IQSEC2: variants seen among roughly 807,000 people sequenced by gnomAD.
IQSEC2 encodes the protein IQ motif and SEC7 domain-containing protein 2.
In IQSEC2, 6 loss-of-function variants were observed where a neutral mutation model predicts 74.6. The observed-to-expected ratio is 0.08, with a 90% CI of 0.04 to 0.16. IQSEC2 has a LOEUF of 0.16. IQSEC2 is among the 10% of genes least tolerant of loss of function. IQSEC2 has a pLI of 1.00. For synonymous variants in IQSEC2, 494 were observed against 544.5 expected, an observed-to-expected ratio of 0.91 and a Z score of 1.29; for missense variants, 734 against 1,306.2, an observed-to-expected ratio of 0.56 and a Z score of 6.75.
downstream of IQSEC2, chrX:53,231,073 A>C (rs1348675658): frequency 1.8e-5 from 2 of 112,902 alleles, no homozygotes; most frequent in Non-Finnish European, 3.7e-5. Context: ...CCATTCATTC[A>C]TTCATTCATT....
At chrX:53,270,163 C>T (rs1420736540) in intron 2 of IQSEC2, among the ~76,000 whole-genome samples, 1 of 111,009 alleles carries the variant, frequency 9.0e-6, no homozygotes, top group East Asian at 2.8e-4. Context: ...TCACCATTGT[C>T]CTTAAGGCAC....
At chrX:53,247,944 T>C (rs1448361649) in intron 7 of IQSEC2, among the ~76,000 whole-genome samples, 170 bp downstream of exon 7, 1 of 112,572 alleles carries the variant, frequency 8.9e-6, no homozygotes, top group East Asian at 2.8e-4. Flanking sequence ...CTGAGCTAGA[T>C]ACTTTATATG....
chrX:53,234,712 TG>T lies in IQSEC2; in HGVS notation c.3973del (p.His1325MetfsTer72). 8.9e-7 allele frequency: 1 copy of T among 1,121,023 alleles called. No individual in the cohort carries two copies. Among genetic ancestry groups the T allele is most frequent in the Non-Finnish European group, 1.2e-6 (1 of 851,164 alleles). 92.4% of individuals were successfully genotyped at this position (1,121,023 alleles called of 1,213,427 possible). On this transcript the variant is annotated frameshift_variant, in exon 15 of 15. Coordinates refer to ENST00000642864, the MANE Select transcript of IQSEC2 (RefSeq NM_001111125.3). LOFTEE classifies it high-confidence loss of function. ...GTGTTGGGGCCCTGGGACTGGGCCA[TG>T]GGCGTGGAAGTGGCGATGTGGCCCC... ...PVGPHRHFHA[H>X]GPVPGPQHYT...
chrX:53,239,525 T>C (rs782111152), intron 10 of IQSEC2: 139 of 365,688 alleles, frequency 3.8e-4, no homozygotes, highest in Non-Finnish European at 1.1e-4. Flanking sequence ...ATTTACCACA[T>C]TTCCAGAAAC....
Position 53,320,740 on chromosome X carries a change from A to G in IQSEC2, c.384T>C (p.Ala128=). 2.6e-6 allele frequency: 3 copies of G among 1,167,060 alleles called. No homozygotes were observed. The highest frequency in any genetic ancestry group is 3.4e-6 in the Non-Finnish European group (3 of 872,732). Residue 128 remains alanine (A), a synonymous_variant, in exon 1 of 15, where the codon GCT becomes GCC. Transcript: ENST00000642864. Reference sequence around the variant, plus strand: ...CGTCCCGCTCCTTGTCCCGATACACAGCCTCCCGATTCTGGTAGGCGCCTT... The same window carrying G: ...CGTCCCGCTCCTTGTCCCGATACACGGCCTCCCGATTCTGGTAGGCGCCTT... ...NREGAYQNRE[A]VYRDKERDAS... is the part of the protein sequence containing the mutation.
chrX:53,251,212 A>AAAAG (rs1203282098), intron 4 of IQSEC2, 38 bp from the exon 5 acceptor site: 4 of 1,160,752 alleles, frequency 3.4e-6, no homozygotes, highest in Non-Finnish European at 4.7e-6. Context: ...AAAGGGAGAG[A>AAAAG]AAAGAAAGAA....
In IQSEC2 at chrX:53,254,618, C is replaced by T; in HGVS notation, c.1313G>A (p.Gly438Glu). 8.3e-7 allele frequency: 1 copy of T among 1,198,150 alleles called. No individual in the cohort carries two copies. The highest frequency in any genetic ancestry group is 1.1e-6 in the Non-Finnish European group (1 of 888,743). The change falls in exon 4 of 15, where the codon GGG (glycine) becomes GAG (glutamate). Residue 438 changes from glycine (G) to glutamate (E), a missense_variant. Gly to Glu is a moderately conservative substitution (Grantham distance 98). Transcript: ENST00000642864. ...GGAGCTTCCACCACCATCGATGCCC[C>T]CACCACAGGAGCCTCCATATGGGAG... ...RGLPYGGSCG[G>E]GIDGGGSSVT...
Position 53,320,661 on chromosome X carries a change from C to A in IQSEC2, c.463G>T (p.Ala155Ser), listed in dbSNP as rs1556880128. ...TTCTCGTGGTGCAGGTGGCACTGGG[C>A]CACGTCACGCTCGCGGGCTGTGTAA... Reference protein sequence around the residue: ...TGYTARERDVAQCHLHHENPA... With the variant: ...TGYTARERDVSQCHLHHENPA... Residue 155 changes from alanine to serine, a missense_variant, in exon 1 of 15, where the codon GCC (alanine) becomes TCC (serine). Around this residue, in one of 12 missense-constraint regions of IQSEC2, gnomAD observed 134 missense variants for 214.9 expected, o/e 0.62. Transcript: ENST00000642864. 3.4e-6 allele frequency: 4 copies of A among 1,163,745 alleles called. No individual in the cohort carries two copies. The highest frequency in any genetic ancestry group is 3.6e-5 in the African/African-American group (2 of 55,865).
At chrX:53,228,496 C>T (rs1185708919), downstream of IQSEC2, among the ~76,000 whole-genome samples, 1 of 111,666 alleles carries the variant, frequency 9.0e-6, no homozygotes, top group African/African-American at 3.3e-5. Context: ...CCCATCCACC[C>T]GGGAGACAGG....
rs782815404 is a variant in IQSEC2 at position 53,235,758 on chromosome X, G to A, written c.3501+25C>T. The A allele has an allele frequency of 3.4e-6, 4 of 1,164,346 alleles. No individual in the cohort carries two copies. The South Asian group carries it at 5.7e-5, about 17-fold the overall frequency. ...CCGGGGCAGGGCTCATGCAGAGGAC[G>A]AGTGGGGCAGGAGCTGGCACTTACT... On this transcript the variant is annotated intron_variant, in intron 14 of 14. Coordinates refer to ENST00000642864, the MANE Select transcript of IQSEC2 (RefSeq NM_001111125.3).
At chrX:53,295,780 T>C (rs17276442) in intron 1 of IQSEC2, among the ~76,000 whole-genome samples, 8,312 of 110,157 alleles carry the variant, frequency 0.075, 276 homozygotes, top group Middle Eastern at 0.14. Flanking sequence ...GCCTCTTGAC[T>C]AGATTTCCTG....
chrX:53,281,233 A>G (rs1221729582), intron 2 of IQSEC2, among the ~76,000 whole-genome samples: 1 of 112,666 alleles, frequency 8.9e-6, no homozygotes, highest in Non-Finnish European at 1.9e-5. Flanking sequence ...AGGCTAGTAG[A>G]GCAGGGTAGG....
chrX:53,285,651 G>T (rs1556871602), intron 2 of IQSEC2, among the ~76,000 whole-genome samples: 1 of 112,398 alleles, frequency 8.9e-6, no homozygotes, highest in East Asian at 2.8e-4. Flanking sequence ...CCAGAACCTG[G>T]GATAATCTCT....
intron 10 of IQSEC2, among the ~76,000 whole-genome samples, chrX:53,241,255 A>G (rs781856433): frequency 3.7e-4 from 41 of 110,669 alleles, no homozygotes; most frequent in African/African-American, 1.1e-3. Context: ...ACAGGTGCAC[A>G]CCACCATGCC....
rs781899074 is a variant in IQSEC2 at position 53,238,191 on chromosome X, G to C, written c.3231C>G (p.Arg1077=). The C allele has an allele frequency of 8.3e-7, 1 of 1,206,130 alleles. No homozygotes were observed. The highest frequency in any genetic ancestry group is 3.0e-5 in the East Asian group (1 of 33,709). The change falls in exon 12 of 15, where the codon CGC becomes CGG. Residue 1077 remains arginine (R), a synonymous_variant. Coordinates refer to ENST00000642864, the MANE Select transcript of IQSEC2 (RefSeq NM_001111125.3). The part of the protein sequence containing the change: ...QDRLRFTSDL[R]ESIAEVQEME... ...TCTCCTGCACCTCCGCAATGGACTC[G>C]CGCAGGTCGGATGTAAAGCGCAGCC...
intron 1 of IQSEC2, among the ~76,000 whole-genome samples, chrX:53,307,952 T>C: frequency 9.3e-6 from 1 of 106,952 alleles, no homozygotes. Context: ...TTTGGGAGGC[T>C]GAGGTGAGTG....
At position 53,279,586 on chromosome X, in the gene IQSEC2, A is replaced by G. The variant is rs1225546260; in HGVS notation, c.737+12309T>C. Reference sequence around the variant, plus strand: ...TACCTGCTCTCTGCCAGCCTGCCTGAGGGGGTAAGCTTCATGGAGTCAAGG... The same window carrying G: ...TACCTGCTCTCTGCCAGCCTGCCTGGGGGGGTAAGCTTCATGGAGTCAAGG... On this transcript the variant is annotated intron_variant, in intron 2 of 14. Transcript: ENST00000642864. The G allele has an allele frequency of 1.7e-6, 2 of 1,194,510 alleles. No individual in the cohort carries two copies. The highest frequency in any genetic ancestry group is 1.8e-5 in the South Asian group (1 of 55,976).
Position 53,250,616 on chromosome X carries a change from G to C in IQSEC2, c.1960C>G (p.Pro654Ala). The C allele has an allele frequency of 8.3e-7, 1 of 1,208,341 alleles. No individual in the cohort carries two copies. The highest frequency in any genetic ancestry group is 1.1e-6 in the Non-Finnish European group (1 of 893,484). ...PHRHYPAPEG[P>A]APAPPGPLPP... Reference sequence around the variant, plus strand: ...AGGGGCCCTGGTGGGGCTGGGGCTGGGCCTTCAGGGGCTGGGTAGTGGCGG... The same window carrying C: ...AGGGGCCCTGGTGGGGCTGGGGCTGCGCCTTCAGGGGCTGGGTAGTGGCGG... Residue 654 changes from proline (P) to alanine (A), a missense_variant, in exon 5 of 15, where the codon CCA (proline) becomes GCA (alanine). By Grantham distance (27) the Pro-to-Ala change is conservative (BLOSUM62 -1). Coordinates refer to ENST00000642864, the MANE Select transcript of IQSEC2 (RefSeq NM_001111125.3).
chrX:53,286,742 C>T (rs1170316060), intron 2 of IQSEC2, among the ~76,000 whole-genome samples: 2 of 110,241 alleles, frequency 1.8e-5, no homozygotes, highest in African/African-American at 6.6e-5. Context: ...GAGATCGAGA[C>T]CATCCTGGCC....
Sources: gnomAD v4.1 joint callset for allele counts (sites outside exome capture counted in the v4.1 genomes callset) on GRCh38, gnomAD v4.1.1 for gene constraint, gnomAD v4.1.1 regional missense constraint, MANE v1.5 for transcripts, NCBI Gene and HGNC (gene_info 2026-07-23, HGNC 2026-07-21) for gene names.